The following SNU13 variants were observed in gnomAD, a reference collection of about 807,000 sequenced individuals.
SNU13 encodes the protein small nuclear ribonucleoprotein 13, also known as NHP2-like protein 1.
In SNU13, 2 loss-of-function variants were observed where a neutral mutation model predicts 12.4. The observed-to-expected ratio is 0.16, with a 90% CI of 0.07 to 0.51. The LOEUF is 0.51. SNU13 is among the 20% of genes least tolerant of loss of function. SNU13 has a pLI of 0.96. For missense variants in SNU13, 66 were observed against 157.8 expected (o/e 0.42, Z 3.12); for synonymous variants, 68 against 66.5 (o/e 1.02, Z -0.11).
chr22:41,682,616 A>T lies in SNU13; in HGVS notation c.4-2252T>A, dbSNP rs551206254. The stretch of plus-strand genomic sequence containing the variant: ...GGAAGAATTAGGTGAAGGATGGAGG[A>T]GTTCTCTAAAGGAAGGGGGTTGGGG... On this transcript the variant is annotated intron_variant, in intron 1 of 2. Coordinates refer to ENST00000401959, the MANE Select transcript of SNU13 (RefSeq NM_001003796.2). 31 of 1,385,172 alleles carry T rather than the reference A, an allele frequency of 2.2e-5. 1 individual carries two copies. The highest frequency in any genetic ancestry group is 2.9e-5 in the Non-Finnish European group (31 of 1,061,284). The allele number at this position is 1,385,172 out of a possible 1,614,324, so 85.8% of individuals were successfully genotyped here.
intron 2 of SNU13, chr22:41,679,931 ATCCCTTTCCTTCTG>A (rs1569108200): frequency 6.1e-5 from 11 of 180,444 alleles, no homozygotes; most frequent in African/African-American, 2.6e-4. Flanking sequence ...AAGCATTAAT[ATCCCTTTCCTTCTG>A]ATGGCTCTGG....
At chr22:41,682,948 C>A (rs2068278824) in intron 1 of SNU13, among the ~76,000 whole-genome samples, 1 of 152,072 alleles carries the variant, frequency 6.6e-6, no homozygotes, top group Non-Finnish European at 1.5e-5. Flanking sequence ...CGCACCTGGC[C>A]ATCCTTTCTT....
intron 1 of SNU13, among the ~76,000 whole-genome samples, chr22:41,685,650 C>T (rs1601576161): frequency 6.6e-6 from 1 of 151,350 alleles, no homozygotes; most frequent in African/African-American, 2.4e-5. Context: ...CTGCACCCGG[C>T]CAACTCCTGG....
At chr22:41,688,939 G>A, upstream of SNU13, 1 of 1,413,584 alleles carries the variant, frequency 7.1e-7, no homozygotes, top group Non-Finnish European at 9.3e-7. Context: ...ACGCGAGCGA[G>A]TGGGCCCCGC....
intron 1 of SNU13, among the ~76,000 whole-genome samples, chr22:41,686,527 T>C (rs2068311604): frequency 6.6e-6 from 1 of 151,362 alleles, no homozygotes; most frequent in African/African-American, 2.4e-5. Context: ...GTTGAACTCC[T>C]GACCTAAGGT....
intron 1 of SNU13, chr22:41,682,337 G>T: frequency 6.2e-7 from 1 of 1,608,616 alleles, no homozygotes; most frequent in East Asian, 2.2e-5. Flanking sequence ...GGAGATAATG[G>T]CCCAGTAGGA....
At chr22:41,688,959 G>A (rs1194392434), upstream of SNU13, 7 of 1,359,410 alleles carry the variant, frequency 5.1e-6, no homozygotes, top group East Asian at 7.9e-5. Flanking sequence ...CCCTCTACGG[G>A]GGCACTGGCG....
upstream of SNU13, chr22:41,688,985 TGTCGAAGAAGGAACGTACTTTG>T: frequency 7.5e-7 from 1 of 1,329,884 alleles, no homozygotes; most frequent in African/African-American, 1.5e-5. Flanking sequence ...ACTGGCCCTG[TGTCGAAGAAGGAACGTACTTTG>T]GCGTTCTTAT....
chr22:41,682,451 A>T (rs991614041), intron 1 of SNU13: 1 of 1,607,178 alleles, frequency 6.2e-7, no homozygotes, highest in Non-Finnish European at 8.5e-7. Flanking sequence ...AAGGACACGG[A>T]TGCCCCGCCC....
chr22:41,677,851 C>T (rs1167634148), intron 2 of SNU13, among the ~76,000 whole-genome samples: 1 of 152,130 alleles, frequency 6.6e-6, no homozygotes, highest in African/African-American at 2.4e-5. Flanking sequence ...CGTTTCTTTC[C>T]AACACCCTCA....
intron 1 of SNU13, 135 bp from the exon 2 acceptor site, chr22:41,680,499 G>C: frequency 1.2e-6 from 1 of 838,476 alleles, no homozygotes; most frequent in Non-Finnish European, 1.8e-6. Flanking sequence ...CAAAACACCA[G>C]GTAGTTAACA....
intron 2 of SNU13, among the ~76,000 whole-genome samples, chr22:41,677,647 T>C (rs1012234464): frequency 2.0e-5 from 3 of 152,234 alleles, no homozygotes; most frequent in Admixed American, 2.0e-4. Flanking sequence ...GTGACTCTTT[T>C]ATAAGTGTTA....
At chr22:41,684,456 CATTT>C (rs1354545666) in intron 1 of SNU13, among the ~76,000 whole-genome samples, 1 of 152,032 alleles carries the variant, frequency 6.6e-6, no homozygotes, top group African/African-American at 2.4e-5. Flanking sequence ...TATATCCTTT[CATTT>C]GTTTCTTCCC....
rs1280345433 is a variant in SNU13, at chr22:41,688,703, GCAGGCTCTAAGCCTCCATCTAA to G, written c.3+69_3+90del. ...ACCCAACGCCGGCGGATGAGACGGC[GCAGGCTCTAAGCCTCCATCTAA>G]CAGGCTAGGGAGTGAACGCAACCCT... On this transcript the variant is annotated intron_variant, in intron 1 of 2. Coordinates refer to ENST00000401959, the MANE Select transcript of SNU13 (RefSeq NM_001003796.2). 5 of 1,492,324 alleles carry G rather than the reference GCAGGCTCTAAGCCTCCATCTAA, an allele frequency of 3.4e-6. No homozygotes were observed. In the African/African-American group the frequency reaches 5.5e-5, roughly 17 times the overall value. The allele number at this position is 1,492,324 out of a possible 1,614,324, so 92.4% of individuals were successfully genotyped here. A position where few individuals can be genotyped will look rare whatever the true frequency, so the allele number is the denominator to read the frequency against.
In SNU13 at chr22:41,674,870, G is replaced by A; in HGVS notation, c.*63C>T. ...GCTGAAAATACTACATGCTAACACAGATAATATGATACACAACCTCAGGGG... is the reference window on the plus strand; with the variant it reads ...GCTGAAAATACTACATGCTAACACAAATAATATGATACACAACCTCAGGGG... On this transcript the variant is annotated 3_prime_UTR_variant, in exon 3 of 3. Coordinates refer to ENST00000401959, the MANE Select transcript of SNU13 (RefSeq NM_001003796.2). 1 of 1,576,104 alleles carries A rather than the reference G, an allele frequency of 6.3e-7. No homozygotes were observed. Among genetic ancestry groups the A allele is most frequent in the Non-Finnish European group, 8.7e-7 (1 of 1,155,958 alleles).
intron 2 of SNU13, among the ~76,000 whole-genome samples, chr22:41,679,075 G>A (rs564834140): frequency 6.6e-6 from 1 of 151,510 alleles, no homozygotes; most frequent in East Asian, 1.9e-4. Flanking sequence ...CTGGGCGACA[G>A]AGCGAGATTC....
At chr22:41,682,741 C>G (rs903149879) in intron 1 of SNU13, 4 of 297,388 alleles carry the variant, frequency 1.3e-5, no homozygotes, top group Admixed American at 4.9e-5. Context: ...AGTGCAGTGG[C>G]GCGATCTCGG....
intron 1 of SNU13, among the ~76,000 whole-genome samples, chr22:41,686,436 C>T (rs749642195): frequency 6.6e-6 from 1 of 151,572 alleles, no homozygotes; most frequent in Non-Finnish European, 1.5e-5. Context: ...TCCCGAGTAA[C>T]TGGGACTACA....
At chr22:41,682,150 G>A (rs932865657) in intron 1 of SNU13, among the ~76,000 whole-genome samples, 1 of 152,016 alleles carries the variant, frequency 6.6e-6, no homozygotes, top group African/African-American at 2.4e-5. Flanking sequence ...TGGACATAGG[G>A]TGGACGGCAG....
Sources: gnomAD v4.1 joint callset for allele counts (sites outside exome capture counted in the v4.1 genomes callset) on GRCh38, gnomAD v4.1.1 for gene constraint, MANE v1.5 for transcripts, NCBI Gene and HGNC (gene_info 2026-07-23, HGNC 2026-07-21) for gene names.